ITGB5: variants seen among roughly 807,000 people sequenced by gnomAD.
The protein encoded by ITGB5 is integrin subunit beta 5.
A neutral mutation model predicts 84.8 loss-of-function variants in ITGB5; 38 were observed. The observed-to-expected ratio is 0.45, with a 90% CI of 0.35 to 0.59. ITGB5 has a LOEUF of 0.59. ITGB5 is among the 20% of genes least tolerant of loss of function. The pLI is 0.01. For synonymous variants in ITGB5, 393 were observed against 414.4 expected (o/e 0.95, Z 0.63); for missense variants, 905 against 1,034.5 (o/e 0.87, Z 1.72).
At chr3:124,823,574 T>C (rs2064739460) in intron 5 of ITGB5, among the ~76,000 whole-genome samples, 2 of 150,648 alleles carry the variant, frequency 1.3e-5, no homozygotes, top group Non-Finnish European at 3.0e-5. Flanking sequence ...AAGGTGCTGG[T>C]GATGTTCTGT....
At chr3:124,771,608 T>C (rs893899500) in intron 11 of ITGB5, among the ~76,000 whole-genome samples, 2 of 151,562 alleles carry the variant, frequency 1.3e-5, no homozygotes, top group Non-Finnish European at 2.9e-5. Context: ...ATTAGCCAGG[T>C]GTGGTGGTAC....
At chr3:124,894,134 CTT>C (rs748784158) in intron 1 of ITGB5, among the ~76,000 whole-genome samples, 6 of 104,348 alleles carry the variant, frequency 5.7e-5, no homozygotes, top group Non-Finnish European at 9.1e-5. Flanking sequence ...TGATATTTTT[CTT>C]TTTTTTTTTT....
At position 124,763,525 on chromosome 3, in the gene ITGB5, C is replaced by G; in HGVS notation, c.*98G>C. ...CACTAGAAGGTCTTCTCTGTGGTGC[C>G]TACCTAGGGAGCTGTGATCAAGCCG... On this transcript the variant is annotated 3_prime_UTR_variant, in exon 15 of 15. Coordinates refer to ENST00000296181, the MANE Select transcript of ITGB5 (RefSeq NM_002213.5). The G allele has an allele frequency of 1.4e-6, 1 of 706,406 alleles. No individual in the cohort carries two copies. Among genetic ancestry groups the G allele is most frequent in the Non-Finnish European group, 2.5e-6 (1 of 396,812 alleles). The allele number at this position is 706,406 out of a possible 1,614,324, so 43.8% of individuals were successfully genotyped here.
intron 2 of ITGB5, among the ~76,000 whole-genome samples, chr3:124,867,633 T>C (rs1266549528): frequency 6.6e-6 from 1 of 152,212 alleles, no homozygotes; most frequent in Non-Finnish European, 1.5e-5. Flanking sequence ...AGTCTCCCAG[T>C]TCTCATTGCA....
intron 9 of ITGB5, 88 bp from the exon 10 acceptor site, chr3:124,796,905 G>C (rs998562991): frequency 7.5e-7 from 1 of 1,331,122 alleles, no homozygotes; most frequent in Non-Finnish European, 1.0e-6. Context: ...ATGAAGAGCA[G>C]CTGCGAACTC....
intron 1 of ITGB5, among the ~76,000 whole-genome samples, chr3:124,880,714 G>A (rs1934526877): frequency 6.6e-6 from 1 of 152,124 alleles, no homozygotes; most frequent in African/African-American, 2.4e-5. Flanking sequence ...GATCACCTGA[G>A]GTCAGGAGTT....
At chr3:124,845,472 T>C (rs2065065042) in intron 4 of ITGB5, among the ~76,000 whole-genome samples, 1 of 152,206 alleles carries the variant, frequency 6.6e-6, no homozygotes, top group South Asian at 2.1e-4. Flanking sequence ...AGAAGAGAGC[T>C]TCACATAACT....
rs79298883 is a variant in ITGB5 at position 124,775,626 on chromosome 3, A to G, written c.1694-1714T>C. ...TGTGAAGGCTGATATTAATACAACC[A>G]AGAGTTTCATTTGCTGAGCACCACT... On this transcript the variant is annotated intron_variant, in intron 10 of 14. Transcript: ENST00000296181. Among the ~76,000 whole-genome samples the G allele has an allele frequency of 4.4e-3, 677 of 152,312 alleles. 7 individuals carry two copies. Among genetic ancestry groups the G allele is most frequent in the African/African-American group, 0.015 (629 of 41,562 alleles).
At position 124,853,207 on chromosome 3, in the gene ITGB5, A is replaced by T. The variant is rs138781270; in HGVS notation, c.362-4649T>A. 1.1e-4 allele frequency among the ~76,000 whole-genome samples: 16 copies of T among 152,358 alleles called. 1 individual carries two copies. In the East Asian group the frequency reaches 2.5e-3, roughly 24 times the overall value. Reference sequence around the variant, plus strand: ...GCTGGAAACTGAAAGAAAGAAGGGAAACATAAAAATCAACTCTATTATAAC... The same window carrying T: ...GCTGGAAACTGAAAGAAAGAAGGGATACATAAAAATCAACTCTATTATAAC... On this transcript the variant is annotated intron_variant, in intron 3 of 14. Transcript: ENST00000296181.
chr3:124,821,699 C>G (rs955554244), intron 5 of ITGB5, among the ~76,000 whole-genome samples: 1 of 152,234 alleles, frequency 6.6e-6, no homozygotes, highest in Non-Finnish European at 1.5e-5. Context: ...GACAAATGTC[C>G]AAGTCTTTGC....
Position 124,859,355 on chromosome 3 carries a change from G to T in ITGB5, c.248C>A (p.Ala83Asp). The T allele has an allele frequency of 2.5e-6, 4 of 1,614,120 alleles. No homozygotes were observed. The highest frequency in any genetic ancestry group is 3.4e-6 in the Non-Finnish European group (4 of 1,180,018). The change falls in exon 3 of 15, where the codon GCC (alanine) becomes GAC (aspartate). Residue 83 changes from alanine (A) to aspartate (D), a missense_variant. By Grantham distance (126) the Ala-to-Asp change is moderately radical. This residue lies in a region of ITGB5 where 656 missense variants were observed against 734.7 expected (regional missense o/e 0.89). Coordinates refer to ENST00000296181, the MANE Select transcript of ITGB5 (RefSeq NM_002213.5). ...GCTCCTCAGGACATGGAAGCTGCTG[G>T]CTGGGCTCTCTATCTCACCTCCACA... ...NGCGGEIESP[A>D]SSFHVLRSLP...
chr3:124,854,279 T>C (rs1340468244), intron 3 of ITGB5, among the ~76,000 whole-genome samples: 6 of 152,306 alleles, frequency 3.9e-5, no homozygotes, highest in African/African-American at 1.4e-4. Flanking sequence ...TGAACGTTCA[T>C]AGCAGCATTA....
At chr3:124,825,094 G>T (rs1166589471) in intron 5 of ITGB5, among the ~76,000 whole-genome samples, 2 of 151,946 alleles carry the variant, frequency 1.3e-5, no homozygotes, top group East Asian at 3.9e-4. Context: ...CTACTCGGGA[G>T]GCTAAGGCAG....
chr3:124,766,262 T>TG lies in ITGB5; in HGVS notation c.2100dup (p.Ser701GlnfsTer30). The TG allele has an allele frequency of 6.2e-7, 1 of 1,614,028 alleles. No individual in the cohort carries two copies. The highest frequency in any genetic ancestry group is 8.5e-7 in the Non-Finnish European group (1 of 1,179,980). On this transcript the variant is annotated frameshift_variant, in exon 13 of 15. Transcript: ENST00000296181. LOFTEE classifies it high-confidence loss of function. ...AGGACGGTCAGGTTGGACTTCCCAC[T>TG]GGGGAGCTCCACATAGGTGAACATC...
At chr3:124,808,986 T>C in intron 9 of ITGB5, 36 bp downstream of exon 9, 1 of 1,605,816 alleles carries the variant, frequency 6.2e-7, no homozygotes, top group South Asian at 1.1e-5. Flanking sequence ...TGACCAATGC[T>C]AACAAGAGTT....
chr3:124,808,902 G>T, intron 9 of ITGB5, 120 bp downstream of exon 9: 2 of 1,152,978 alleles, frequency 1.7e-6, no homozygotes, highest in Non-Finnish European at 2.5e-6. Context: ...CTGGGATGCT[G>T]AATTGGAAAA....
intron 1 of ITGB5, among the ~76,000 whole-genome samples, chr3:124,875,866 C>A (rs543182562): frequency 2.6e-5 from 4 of 152,150 alleles, no homozygotes; most frequent in African/African-American, 9.6e-5. Context: ...CATGGATGAA[C>A]CTGGAGGACA....
chr3:124,805,789 C>G (rs2064392944), intron 9 of ITGB5, among the ~76,000 whole-genome samples: 1 of 152,012 alleles, frequency 6.6e-6, no homozygotes, highest in African/African-American at 2.4e-5. Flanking sequence ...TTGCATTGAG[C>G]CTTTGAGCCA....
chr3:124,835,178 A>G (rs1371131071), intron 5 of ITGB5, among the ~76,000 whole-genome samples: 2 of 151,294 alleles, frequency 1.3e-5, no homozygotes, highest in East Asian at 3.9e-4. Flanking sequence ...TGCCCTGTTC[A>G]CGATACTGAG....
Sources: gnomAD v4.1 joint callset for allele counts (sites outside exome capture counted in the v4.1 genomes callset) on GRCh38, gnomAD v4.1.1 for gene constraint, gnomAD v4.1.1 regional missense constraint, MANE v1.5 for transcripts, NCBI Gene and HGNC (gene_info 2026-07-23, HGNC 2026-07-21) for gene names.